The following SUPT3H variants were observed in gnomAD, a reference collection of about 807,000 sequenced individuals.
The protein encoded by SUPT3H is SPT3 homolog, SAGA and STAGA complex component, also known as transcription initiation protein SPT3 homolog.
In SUPT3H, 44 loss-of-function variants were observed where a neutral mutation model predicts 44.3. The observed-to-expected ratio is 0.99, with a 90% confidence interval of 0.78 to 1.28. The LOEUF is 1.28. Ranked by LOEUF, SUPT3H falls within the 50% of genes most tolerant of loss-of-function variation. The probability of loss-of-function intolerance (pLI) is 0.00; values close to 1 mark genes in which losing one functional copy is unlikely to be tolerated. For missense variants in SUPT3H, 380 were observed against 387.1 expected (o/e 0.98, Z 0.15); for synonymous variants, 124 against 125.6 (o/e 0.99, Z 0.09).
chr6:45,137,708 G>C (rs755839916), intron 2 of SUPT3H, among the ~76,000 whole-genome samples: 1 of 151,466 alleles, frequency 6.6e-6, no homozygotes, highest in Non-Finnish European at 1.5e-5. Context: ...TTAACAGAAA[G>C]GCAATAAAGT....
At chr6:44,829,993 A>G in intron 10 of SUPT3H, 136 bp from the exon 11 acceptor site, 1 of 757,740 alleles carries the variant, frequency 1.3e-6, no homozygotes, top group Non-Finnish European at 2.2e-6. Context: ...TAATCTGAAT[A>G]TTTCTGGTGG....
intron 2 of SUPT3H, among the ~76,000 whole-genome samples, chr6:45,183,576 G>T (rs368589790): frequency 6.6e-6 from 1 of 152,118 alleles, no homozygotes; most frequent in Non-Finnish European, 1.5e-5. Context: ...GTAAGAACTC[G>T]CTTATCACCA....
At chr6:45,107,643 G>C (rs1799465843) in intron 2 of SUPT3H, among the ~76,000 whole-genome samples, 1 of 152,086 alleles carries the variant, frequency 6.6e-6, no homozygotes, top group Non-Finnish European at 1.5e-5. Context: ...GTGCCCACAG[G>C]TACCTTGTAG....
chr6:45,053,547 G>T (rs1002929628), intron 3 of SUPT3H, among the ~76,000 whole-genome samples: 8 of 151,606 alleles, frequency 5.3e-5, no homozygotes, highest in Admixed American at 3.9e-4. Flanking sequence ...GAGGCAGAAA[G>T]TCCACTCTCA....
chr6:45,109,735 T>C (rs1017629594), intron 2 of SUPT3H, among the ~76,000 whole-genome samples: 3 of 152,230 alleles, frequency 2.0e-5, no homozygotes, highest in Non-Finnish European at 4.4e-5. Flanking sequence ...AAAACTGCTG[T>C]ACCTGGCCAC....
intron 2 of SUPT3H, among the ~76,000 whole-genome samples, chr6:45,270,554 C>T (rs1281412023): frequency 1.3e-5 from 2 of 152,194 alleles, no homozygotes; most frequent in African/African-American, 2.4e-5. Flanking sequence ...TCCTCCTTGC[C>T]TTCTGCCATA....
chr6:45,043,689 C>T (rs553870896), intron 3 of SUPT3H, among the ~76,000 whole-genome samples: 5 of 152,008 alleles, frequency 3.3e-5, no homozygotes, highest in East Asian at 3.9e-4. Context: ...GAAGACTATA[C>T]ACATATTAAA....
chr6:44,911,276 CCACA>C (rs74499123), intron 10 of SUPT3H, among the ~76,000 whole-genome samples: 62,098 of 150,734 alleles, frequency 0.41, 13,085 homozygotes, highest in East Asian at 0.69. Context: ...AGCATTCCCA[CCACA>C]TGTTTGACAG....
chr6:44,944,878 T>C (rs942804213), intron 9 of SUPT3H, among the ~76,000 whole-genome samples: 1 of 151,436 alleles, frequency 6.6e-6, no homozygotes, highest in African/African-American at 2.4e-5. Context: ...TTAAATATAT[T>C]ATATTTATCT....
chr6:45,239,189 G>A (rs1012485785), intron 2 of SUPT3H, among the ~76,000 whole-genome samples: 1 of 152,176 alleles, frequency 6.6e-6, no homozygotes, highest in Non-Finnish European at 1.5e-5. Flanking sequence ...GCTCAGTTAT[G>A]ATTTCATACA....
At chr6:45,269,620 C>A (rs1775795325) in intron 2 of SUPT3H, among the ~76,000 whole-genome samples, 2 of 152,196 alleles carry the variant, frequency 1.3e-5, no homozygotes, top group South Asian at 4.1e-4. Context: ...CACAGTCTGA[C>A]AGGTAAACAA....
In SUPT3H at chr6:44,968,078, C is replaced by T. The variant is rs529260383; in HGVS notation, c.505-6250G>A. Among the ~76,000 whole-genome samples the T allele has an allele frequency of 6.1e-4, 93 of 152,268 alleles. No individual in the cohort carries two copies. The Middle Eastern group carries it at 0.017, about 28-fold the overall frequency. On this transcript the variant is annotated intron_variant, in intron 6 of 10. Transcript: ENST00000371459. ...AAAGTGCTGGGATTACAGGCATGAG[C>T]CACTGCACCTGGCCAAAAAATTTTT...
In SUPT3H at chr6:45,059,708, C is replaced by T. The variant is rs1255127927; in HGVS notation, c.187-39076G>A. Among the ~76,000 whole-genome samples, 5 of 152,130 alleles carry T rather than the reference C, an allele frequency of 3.3e-5. No homozygotes were observed. The East Asian group carries it at 9.7e-4, about 29-fold the overall frequency. ...AAAGCCCATCGTCTCAGTTCAAAAG[C>T]TTCTTAAACTGATAAGCAACTTCAG... On this transcript the variant is annotated intron_variant, in intron 3 of 10. Coordinates refer to ENST00000371459, the MANE Select transcript of SUPT3H (RefSeq NM_003599.4).
chr6:45,241,623 A>G (rs1404778915), intron 2 of SUPT3H, among the ~76,000 whole-genome samples: 2 of 152,022 alleles, frequency 1.3e-5, no homozygotes, highest in Admixed American at 1.3e-4. Flanking sequence ...CCCACTCCAC[A>G]CGCTATATTT....
chr6:44,892,626 G>A (rs924397303), intron 10 of SUPT3H, among the ~76,000 whole-genome samples: 1 of 152,184 alleles, frequency 6.6e-6, no homozygotes, highest in South Asian at 2.1e-4. Context: ...AGTACATGCA[G>A]AATTTGAATG....
intron 2 of SUPT3H, among the ~76,000 whole-genome samples, chr6:45,300,036 G>A (rs184126040): frequency 1.3e-5 from 2 of 151,990 alleles, no homozygotes; most frequent in African/African-American, 4.8e-5. Flanking sequence ...TTAATAGCAG[G>A]CACTGAAAAT....
intron 2 of SUPT3H, among the ~76,000 whole-genome samples, chr6:45,300,089 C>A (rs542719097): frequency 1.3e-5 from 2 of 152,218 alleles, no homozygotes; most frequent in East Asian, 3.9e-4. Context: ...GAAACTATGT[C>A]AAGAATAACA....
At chr6:45,322,196 T>C (rs560045012) in intron 2 of SUPT3H, among the ~76,000 whole-genome samples, 1 of 152,044 alleles carries the variant, frequency 6.6e-6, no homozygotes, top group South Asian at 2.1e-4. Context: ...TTATAGTTCA[T>C]TAAGCTGAAT....
At chr6:44,972,532 G>A (rs1196960647) in intron 6 of SUPT3H, among the ~76,000 whole-genome samples, 1 of 152,158 alleles carries the variant, frequency 6.6e-6, no homozygotes, top group African/African-American at 2.4e-5. Context: ...ACCATTCTGC[G>A]ATCTGGAGAA....
Sources: gnomAD v4.1 joint callset for allele counts (sites outside exome capture counted in the v4.1 genomes callset) on GRCh38, gnomAD v4.1.1 for gene constraint, MANE v1.5 for transcripts, NCBI Gene and HGNC (gene_info 2026-07-23, HGNC 2026-07-21) for gene names.